CA10: variants seen among roughly 807,000 people sequenced by gnomAD.
CA10 encodes the protein carbonic anhydrase-related protein 10.
In CA10, 14 loss-of-function variants were observed where a neutral mutation model predicts 44.2. The ratio of observed to expected loss-of-function variants is 0.32; its 90% confidence interval spans 0.21 to 0.50. The LOEUF (loss-of-function observed/expected upper bound fraction) is 0.50, where lower values mean the gene tolerates loss of function less well. CA10 is among the 20% of genes least tolerant of loss of function. The pLI, the probability that CA10 is intolerant of heterozygous loss-of-function variation, is 0.99. For missense variants in CA10, 350 were observed against 409.7 expected, an observed-to-expected ratio of 0.85 and a Z score of 1.26; for synonymous variants, 159 against 141.6, an observed-to-expected ratio of 1.12 and a Z score of -0.87.
intron 2 of CA10, among the ~76,000 whole-genome samples, chr17:52,028,988 C>G (rs1304670023): frequency 1.3e-5 from 2 of 152,172 alleles, no homozygotes; most frequent in African/African-American, 4.8e-5. Context: ...AACATTATTC[C>G]TGTCCCTCAA....
At chr17:51,798,187 G>A (rs1174300238) in intron 3 of CA10, among the ~76,000 whole-genome samples, 1 of 152,148 alleles carries the variant, frequency 6.6e-6, no homozygotes, top group African/African-American at 2.4e-5. Context: ...TGGACATTTG[G>A]CTGGGCAAGC....
At chr17:52,018,604 C>T (rs1048047830) in intron 2 of CA10, among the ~76,000 whole-genome samples, 4 of 151,980 alleles carry the variant, frequency 2.6e-5, no homozygotes, top group African/African-American at 9.7e-5. Context: ...AAATAAATAA[C>T]TTATTTTTGA....
intron 4 of CA10, among the ~76,000 whole-genome samples, chr17:51,717,741 A>ATATG (rs1555589715): frequency 0.069 from 2,340 of 33,820 alleles, 444 homozygotes; most frequent in Non-Finnish European, 0.11. Context: ...ATATACGTAT[A>ATATG]TATACATGTA....
intron 3 of CA10, among the ~76,000 whole-genome samples, chr17:51,922,529 T>C (rs577789171): frequency 1.3e-5 from 2 of 152,326 alleles, no homozygotes; most frequent in Admixed American, 6.5e-5. Context: ...ATTTCTCCTC[T>C]GGTCCTCCTT....
chr17:51,664,451 A>T (rs1222226551), intron 4 of CA10, among the ~76,000 whole-genome samples: 1 of 152,146 alleles, frequency 6.6e-6, no homozygotes, highest in Non-Finnish European at 1.5e-5. Context: ...AAGCAGAAAA[A>T]AAGGGACATG....
intron 4 of CA10, among the ~76,000 whole-genome samples, chr17:51,693,713 T>C (rs1376682579): frequency 6.6e-6 from 1 of 152,236 alleles, no homozygotes; most frequent in Non-Finnish European, 1.5e-5. Context: ...ATGGTGTATA[T>C]GTACCATATT....
intron 2 of CA10, among the ~76,000 whole-genome samples, chr17:51,988,091 G>T (rs1008693873): frequency 7.9e-5 from 12 of 152,010 alleles, no homozygotes; most frequent in African/African-American, 2.7e-4. Flanking sequence ...AATGAGGGAA[G>T]AATTGGGAAT....
At chr17:51,835,082 C>T (rs1436181619) in intron 3 of CA10, among the ~76,000 whole-genome samples, 1 of 152,116 alleles carries the variant, frequency 6.6e-6, no homozygotes. Flanking sequence ...GCAATCTGAC[C>T]TTGTGCCCCG....
chr17:51,849,768 A>G (rs1345359257), intron 3 of CA10, among the ~76,000 whole-genome samples: 3 of 152,178 alleles, frequency 2.0e-5, no homozygotes, highest in East Asian at 1.9e-4. Context: ...AGTTAACCCC[A>G]GGCAAAAACC....
At chr17:51,885,548 A>G (rs1038171836) in intron 3 of CA10, among the ~76,000 whole-genome samples, 1 of 152,194 alleles carries the variant, frequency 6.6e-6, no homozygotes, top group African/African-American at 2.4e-5. Flanking sequence ...TCCTAAGACC[A>G]GCTCAGTTCT....
At chr17:51,965,839 TA>T (rs1284782245) in intron 2 of CA10, among the ~76,000 whole-genome samples, 1 of 151,682 alleles carries the variant, frequency 6.6e-6, no homozygotes, top group Non-Finnish European at 1.5e-5. Flanking sequence ...CACTCCTATT[TA>T]ACATAGTACT....
intron 3 of CA10, among the ~76,000 whole-genome samples, chr17:51,886,910 C>T (rs13380825): frequency 0.016 from 2,423 of 152,184 alleles, 71 homozygotes; most frequent in African/African-American, 0.056. Flanking sequence ...ATTAGCTCCC[C>T]GTGTGCACCC....
intron 4 of CA10, among the ~76,000 whole-genome samples, chr17:51,700,536 T>C (rs1004287505): frequency 6.6e-6 from 1 of 152,142 alleles, no homozygotes; most frequent in African/African-American, 2.4e-5. Flanking sequence ...TGCTGCCACA[T>C]TGTTCCCCAC....
intron 2 of CA10, among the ~76,000 whole-genome samples, chr17:51,949,701 T>C (rs1420021603): frequency 6.6e-6 from 1 of 152,092 alleles, no homozygotes; most frequent in African/African-American, 2.4e-5. Flanking sequence ...GAGTATGATG[T>C]ATGGAAGCAA....
intron 1 of CA10, among the ~76,000 whole-genome samples, chr17:52,141,998 T>G (rs1233311995): frequency 6.6e-6 from 1 of 152,208 alleles, no homozygotes; most frequent in Non-Finnish European, 1.5e-5. Context: ...GGGGAGATAC[T>G]GCTGCTGGCT....
chr17:51,831,946 T>C (rs976435876), intron 3 of CA10, among the ~76,000 whole-genome samples: 1 of 152,052 alleles, frequency 6.6e-6, no homozygotes, highest in Non-Finnish European at 1.5e-5. Flanking sequence ...CCTACCAAAA[T>C]CCCACTCCAA....
At chr17:51,727,530 G>T (rs1916565972) in intron 4 of CA10, among the ~76,000 whole-genome samples, 2 of 152,132 alleles carry the variant, frequency 1.3e-5, no homozygotes, top group Non-Finnish European at 2.9e-5. Flanking sequence ...GGCTCATGTG[G>T]GTCCTGGGCT....
At chr17:51,954,878 T>C (rs762295385) in intron 2 of CA10, among the ~76,000 whole-genome samples, 2 of 152,190 alleles carry the variant, frequency 1.3e-5, no homozygotes, top group Non-Finnish European at 2.9e-5. Context: ...CTTCTTTCTA[T>C]AGAGACCCCA....
At chr17:51,739,993 C>A (rs35921257) in intron 4 of CA10, among the ~76,000 whole-genome samples, 3,785 of 152,058 alleles carry the variant, frequency 0.025, 62 homozygotes, top group Non-Finnish European at 0.041. Flanking sequence ...CCCAGGTACT[C>A]CGAATTTACT....
Sources: allele counts gnomAD v4.1 joint callset (sites outside exome capture counted in the v4.1 genomes callset), GRCh38; gene constraint gnomAD v4.1.1; transcripts MANE v1.5; gene names NCBI Gene and HGNC (gene_info 2026-07-23, HGNC 2026-07-21).